FAR2: variants seen among roughly 807,000 people sequenced by gnomAD.
The protein encoded by FAR2 is fatty acyl-CoA reductase 2.
Under a neutral mutation model 56.0 loss-of-function variants are expected in FAR2, and 19 were observed. The ratio of observed to expected loss-of-function variants is 0.34; its 90% CI spans 0.24 to 0.50. The LOEUF (loss-of-function observed/expected upper bound fraction) is 0.50. Among genes scored for constraint, FAR2 ranks in the 20% least tolerant of loss-of-function variants. The pLI, the probability that FAR2 is intolerant of heterozygous loss-of-function variation, is 0.98. For synonymous variants in FAR2, 219 were observed against 218.8 expected (o/e 1.00, Z -0.01); for missense variants, 508 against 642.2 (o/e 0.79, Z 2.26).
At chr12:29,315,865 T>G (rs1292889444) in intron 8 of FAR2, among the ~76,000 whole-genome samples, 1 of 152,184 alleles carries the variant, frequency 6.6e-6, no homozygotes, top group Non-Finnish European at 1.5e-5. Flanking sequence ...AATGTGAATG[T>G]CTATTACACA....
At chr12:29,174,872 A>G (rs1009974103) in intron 1 of FAR2, among the ~76,000 whole-genome samples, 1 of 152,198 alleles carries the variant, frequency 6.6e-6, no homozygotes, top group Non-Finnish European at 1.5e-5. Flanking sequence ...AGTTCCACTC[A>G]TGGCCACAAG....
In FAR2 at chr12:29,311,967, T is replaced by TG. The variant is rs1949359888; in HGVS notation, c.955+18dup. 1 of 1,580,466 alleles carries TG rather than the reference T, an allele frequency of 6.3e-7. No homozygotes were observed. Among genetic ancestry groups the TG allele is most frequent in the Non-Finnish European group, 8.7e-7 (1 of 1,152,782 alleles). ...ACAAAATGGGTAAGTACTTTAGCTATGTAACTCTATAATTACTAGTGTCTG... is the reference window on the plus strand; with the variant it reads ...ACAAAATGGGTAAGTACTTTAGCTATGGTAACTCTATAATTACTAGTGTCTG... On this transcript the variant is annotated intron_variant, in intron 8 of 11. Coordinates refer to ENST00000536681, the MANE Select transcript of FAR2 (RefSeq NM_001271783.2).
rs1300977957 is a variant in FAR2, at chr12:29,311,912, C to T, written c.917C>T (p.Thr306Ile). 1.9e-6 allele frequency: 3 copies of T among 1,610,958 alleles called. No individual in the cohort carries two copies. Among genetic ancestry groups the T allele is most frequent in the African/African-American group, 1.3e-5 (1 of 74,916 alleles). Reference sequence around the variant, plus strand: ...AAGTCAACATTAGTCTACCACATTACATCTGGTAACATGAATCCCTGCAAT... The same window carrying T: ...AAGTCAACATTAGTCTACCACATTATATCTGGTAACATGAATCCCTGCAAT... ...RPKSTLVYHI[T>I]SGNMNPCNWH... is the part of the protein sequence containing the mutation. Residue 306 changes from threonine to isoleucine, a missense_variant, in exon 8 of 12, where the codon ACA (threonine) becomes ATA (isoleucine). Thr to Ile is a moderately conservative substitution (Grantham distance 89, BLOSUM62 -1). Coordinates refer to ENST00000536681, the MANE Select transcript of FAR2 (RefSeq NM_001271783.2).
intron 1 of FAR2, among the ~76,000 whole-genome samples, chr12:29,234,807 C>T (rs1486581693): frequency 2.0e-5 from 3 of 152,194 alleles, no homozygotes; most frequent in Non-Finnish European, 2.9e-5. Context: ...ACTCTCTCCT[C>T]AGAAAACCAT....
intron 1 of FAR2, among the ~76,000 whole-genome samples, chr12:29,193,451 C>T (rs74385619): frequency 1.3e-3 from 200 of 152,238 alleles, no homozygotes; most frequent in African/African-American, 4.7e-3. Context: ...TTTACTGCCT[C>T]GATAGTTCTG....
Position 29,175,587 on chromosome 12 carries a change from C to T in FAR2, c.-39+26180C>T, listed in dbSNP as rs577346441. Among the ~76,000 whole-genome samples the T allele has an allele frequency of 1.8e-4, 28 of 152,342 alleles. 1 individual carries two copies. In the South Asian group the frequency reaches 5.4e-3, roughly 29 times the overall value. On this transcript the variant is annotated intron_variant, in intron 1 of 11. Transcript: ENST00000536681. ...TTATTCCCTTATTTGTCCCTGCCCA[C>T]GTCCTGCTGATTGATCCATTTTACA...
chr12:29,186,875 G>A (rs189716599), intron 1 of FAR2, among the ~76,000 whole-genome samples: 1 of 151,940 alleles, frequency 6.6e-6, no homozygotes, highest in Admixed American at 6.6e-5. Context: ...TGTAAGCTCC[G>A]CCTCCCGGGT....
At chr12:29,263,617 A>G (rs1364751074) in intron 1 of FAR2, among the ~76,000 whole-genome samples, 1 of 150,472 alleles carries the variant, frequency 6.6e-6, no homozygotes, top group Non-Finnish European at 1.5e-5. Flanking sequence ...GCATACCGAA[A>G]CCTATGGGAT....
chr12:29,296,524 T>C (rs1949074049), intron 3 of FAR2, among the ~76,000 whole-genome samples: 1 of 152,238 alleles, frequency 6.6e-6, no homozygotes, highest in African/African-American at 2.4e-5. Flanking sequence ...ACTGTTTATA[T>C]AGCTTTGCAT....
At chr12:29,224,956 G>A (rs1947741018) in intron 1 of FAR2, among the ~76,000 whole-genome samples, 1 of 152,154 alleles carries the variant, frequency 6.6e-6, no homozygotes, top group African/African-American at 2.4e-5. Context: ...TAGTGACTCA[G>A]ACCTGTAATC....
chr12:29,168,813 C>T (rs535219881), intron 1 of FAR2, among the ~76,000 whole-genome samples: 15 of 152,152 alleles, frequency 9.9e-5, no homozygotes, highest in Admixed American at 2.6e-4. Context: ...ACTTTCACAG[C>T]GTGGAAGGGG....
At chr12:29,184,115 A>G (rs1217804817) in intron 1 of FAR2, among the ~76,000 whole-genome samples, 1 of 152,202 alleles carries the variant, frequency 6.6e-6, no homozygotes, top group Non-Finnish European at 1.5e-5. Context: ...TACCTCAATA[A>G]AAACAAGTAT....
intron 1 of FAR2, among the ~76,000 whole-genome samples, chr12:29,243,706 A>G (rs1050968456): frequency 2.0e-5 from 3 of 152,266 alleles, no homozygotes; most frequent in African/African-American, 7.2e-5. Context: ...ATACCTCTGA[A>G]TTCCTTAGGA....
At chr12:29,327,509 C>A (rs1323950191) in intron 10 of FAR2, among the ~76,000 whole-genome samples, 1 of 152,202 alleles carries the variant, frequency 6.6e-6, no homozygotes, top group Non-Finnish European at 1.5e-5. Flanking sequence ...AACTATACTA[C>A]AAGGCTACAG....
At chr12:29,313,691 C>T (rs1056135538) in intron 8 of FAR2, among the ~76,000 whole-genome samples, 1 of 152,080 alleles carries the variant, frequency 6.6e-6, no homozygotes, top group African/African-American at 2.4e-5. Context: ...AATGTATTCA[C>T]ATAAAATTTT....
intron 1 of FAR2, among the ~76,000 whole-genome samples, chr12:29,264,431 T>C (rs538047702): frequency 6.6e-6 from 1 of 152,174 alleles, no homozygotes; most frequent in East Asian, 1.9e-4. Flanking sequence ...ATGACCACTG[T>C]CACCAATGTT....
chr12:29,199,753 G>A (rs10743648), intron 1 of FAR2, among the ~76,000 whole-genome samples: 112,277 of 152,024 alleles, frequency 0.74, 43,529 homozygotes, highest in East Asian at 0.91. Flanking sequence ...AGCGACACAC[G>A]TGAAAGAGGT....
chr12:29,184,981 C>G (rs1565685063), intron 1 of FAR2, among the ~76,000 whole-genome samples: 1 of 152,060 alleles, frequency 6.6e-6, no homozygotes, highest in Non-Finnish European at 1.5e-5. Flanking sequence ...AGGTTGCTAA[C>G]CTTAAACCTC....
chr12:29,314,447 T>A (rs947740848), intron 8 of FAR2, among the ~76,000 whole-genome samples: 26 of 149,786 alleles, frequency 1.7e-4, no homozygotes, highest in African/African-American at 5.9e-4. Context: ...TTTTTTTTTT[T>A]ATCTGTCAAT....
Sources: gnomAD v4.1 joint callset for allele counts (sites outside exome capture counted in the v4.1 genomes callset) on GRCh38, gnomAD v4.1.1 for gene constraint, MANE v1.5 for transcripts, NCBI Gene and HGNC (gene_info 2026-07-23, HGNC 2026-07-21) for gene names.